The following LANCL3 variants were observed in gnomAD, a reference collection of about 807,000 sequenced individuals.
The protein encoded by LANCL3 is LanC like family member 3.
LANCL3 carries 19 observed loss-of-function variants against 26.5 expected under a neutral mutation model. The observed-to-expected ratio is 0.72, with a 90% CI of 0.50 to 1.05. The LOEUF is 1.05. Ranked by LOEUF, LANCL3 falls within the 50% of genes least tolerant of loss-of-function variation. The pLI is 0.00. For missense variants in LANCL3, 318 were observed against 362.7 expected, an observed-to-expected ratio of 0.88 and a Z score of 1.00; for synonymous variants, 160 against 166.6, an observed-to-expected ratio of 0.96 and a Z score of 0.30.
At chrX:37,579,912 G>A (rs1556416817) in intron 1 of LANCL3, among the ~76,000 whole-genome samples, 3 of 111,480 alleles carry the variant, frequency 2.7e-5, no homozygotes, top group East Asian at 2.8e-4. Context: ...GAGTGCCTGT[G>A]TTCTCACTGG....
intron 1 of LANCL3, among the ~76,000 whole-genome samples, chrX:37,655,040 A>G (rs1234026864): frequency 8.9e-6 from 1 of 112,881 alleles, no homozygotes; most frequent in Non-Finnish European, 1.9e-5. Flanking sequence ...CTATAGTCCT[A>G]AAACCGACTG....
chrX:37,642,517 T>C (rs1395882609), intron 1 of LANCL3, among the ~76,000 whole-genome samples: 2 of 111,723 alleles, frequency 1.8e-5, no homozygotes, highest in East Asian at 5.6e-4. Context: ...AGAATGCAAA[T>C]TGGCTGCTAC....
intron 1 of LANCL3, among the ~76,000 whole-genome samples, chrX:37,580,358 A>G (rs1923864012): frequency 8.9e-6 from 1 of 111,944 alleles, no homozygotes; most frequent in African/African-American, 3.2e-5. Context: ...AGTTTTTTTC[A>G]TGTATTATGT....
At chrX:37,630,958 G>A (rs1319693506) in intron 1 of LANCL3, among the ~76,000 whole-genome samples, 1 of 111,392 alleles carries the variant, frequency 9.0e-6, no homozygotes, top group Non-Finnish European at 1.9e-5. Flanking sequence ...GGATGATGCT[G>A]GCCTCATAAA....
chrX:37,571,843 C>T lies in LANCL3; in HGVS notation c.-28C>T. ...GGGCACGACTTCAAGCGGTCCTCAG[C>T]TCCGCACTAGGGGGCACGGGCAACA... On this transcript the variant is annotated 5_prime_UTR_variant, in exon 1 of 5. Transcript: ENST00000378619. 3.4e-6 allele frequency: 4 copies of T among 1,170,957 alleles called. No homozygotes were observed. Among genetic ancestry groups the T allele is most frequent in the Non-Finnish European group, 4.6e-6 (4 of 870,096 alleles).
chrX:37,610,219 G>A (rs2069603515), intron 1 of LANCL3, among the ~76,000 whole-genome samples: 1 of 111,939 alleles, frequency 8.9e-6, no homozygotes. Context: ...GTTCTTCCCT[G>A]TATTGGCCTT....
Position 37,664,006 on chromosome X carries a change from C to A in LANCL3, c.896-3276C>A, listed in dbSNP as rs1424539418. On this transcript the variant is annotated intron_variant, in intron 3 of 4. Transcript: ENST00000378619. ...GCAAGGAAGTCAATATTTTGTATCCCTGTGTCATCCCTGTGAGGGGTGGCT... is the reference window on the plus strand; with the variant it reads ...GCAAGGAAGTCAATATTTTGTATCCATGTGTCATCCCTGTGAGGGGTGGCT... Among the ~76,000 whole-genome samples the A allele has an allele frequency of 4.5e-5, 5 of 111,957 alleles. No individual in the cohort carries two copies. The East Asian group carries it at 1.4e-3, about 32-fold the overall frequency.
At chrX:37,636,283 A>G (rs1183964251) in intron 1 of LANCL3, among the ~76,000 whole-genome samples, 1 of 111,837 alleles carries the variant, frequency 8.9e-6, no homozygotes, top group Non-Finnish European at 1.9e-5. Flanking sequence ...ATACATGTGC[A>G]TGTGTCTTTA....
chrX:37,673,267 C>A (rs1926723978), intron 4 of LANCL3, among the ~76,000 whole-genome samples: 1 of 111,517 alleles, frequency 9.0e-6, no homozygotes, highest in Non-Finnish European at 1.9e-5. Context: ...TTTGAAGGAA[C>A]TGGCTCCTGG....
chrX:37,607,942 G>C lies in LANCL3; in HGVS notation c.573+35499G>C, dbSNP rs1468417363. 2.7e-5 allele frequency among the ~76,000 whole-genome samples: 3 copies of C among 112,131 alleles called. No homozygotes were observed. In the East Asian group the frequency reaches 8.4e-4, roughly 31 times the overall value. Reference sequence around the variant, plus strand: ...TCTTGACAGAAATGTTTTAAATACAGCTTCTAGCTGTTTAAGGTATTTAGT... The same window carrying C: ...TCTTGACAGAAATGTTTTAAATACACCTTCTAGCTGTTTAAGGTATTTAGT... On this transcript the variant is annotated intron_variant, in intron 1 of 4. Coordinates refer to ENST00000378619, the MANE Select transcript of LANCL3 (RefSeq NM_001170331.2).
At chrX:37,622,443 C>T (rs1925191636) in intron 1 of LANCL3, among the ~76,000 whole-genome samples, 1 of 109,226 alleles carries the variant, frequency 9.2e-6, no homozygotes, top group Admixed American at 9.8e-5. Flanking sequence ...TCATACTACA[C>T]TGAGAAATCC....
intron 1 of LANCL3, among the ~76,000 whole-genome samples, chrX:37,628,667 A>C (rs1227897151): frequency 2.2e-5 from 2 of 89,993 alleles, no homozygotes; most frequent in African/African-American, 8.7e-5. Context: ...CTCATTGTTC[A>C]ATTCCCACCT....
intron 4 of LANCL3, among the ~76,000 whole-genome samples, chrX:37,672,404 G>T (rs1224605330): frequency 8.9e-6 from 1 of 112,155 alleles, no homozygotes; most frequent in Non-Finnish European, 1.9e-5. Context: ...CTCTGAAACG[G>T]AATGTGTAGG....
chrX:37,621,523 TCTAA>T (rs1556422259), intron 1 of LANCL3, among the ~76,000 whole-genome samples: 1 of 112,678 alleles, frequency 8.9e-6, no homozygotes, highest in African/African-American at 3.2e-5. Context: ...AAAGTGGCAC[TCTAA>T]CTAAAGAGAA....
chrX:37,593,088 G>A (rs1405159397), intron 1 of LANCL3, among the ~76,000 whole-genome samples: 1 of 111,665 alleles, frequency 9.0e-6, no homozygotes, highest in African/African-American at 3.3e-5. Flanking sequence ...CATATCTTTA[G>A]CTATGCAAGG....
At chrX:37,623,365 A>G (rs1556422592) in intron 1 of LANCL3, among the ~76,000 whole-genome samples, 1 of 111,276 alleles carries the variant, frequency 9.0e-6, no homozygotes. Context: ...TGTAGACATT[A>G]TCTTTGCTGT....
At chrX:37,615,288 G>A (rs1924977544) in intron 1 of LANCL3, among the ~76,000 whole-genome samples, 2 of 111,988 alleles carry the variant, frequency 1.8e-5, no homozygotes, top group Admixed American at 1.9e-4. Context: ...GCTCCCAGGT[G>A]GTGTTGATGC....
At chrX:37,632,594 G>T (rs1925557835) in intron 1 of LANCL3, among the ~76,000 whole-genome samples, 1 of 112,023 alleles carries the variant, frequency 8.9e-6, no homozygotes, top group Non-Finnish European at 1.9e-5. Context: ...GCTGGTGCCA[G>T]TTGTTCCTTT....
intron 3 of LANCL3, among the ~76,000 whole-genome samples, chrX:37,666,153 G>A (rs1377407184): frequency 3.6e-5 from 4 of 111,906 alleles, no homozygotes; most frequent in Non-Finnish European, 7.5e-5. Flanking sequence ...AAAAGAATAT[G>A]TATGAACCAT....
Sources: gnomAD v4.1 joint callset for allele counts (sites outside exome capture counted in the v4.1 genomes callset) on GRCh38, gnomAD v4.1.1 for gene constraint, MANE v1.5 for transcripts, NCBI Gene and HGNC (gene_info 2026-07-23, HGNC 2026-07-21) for gene names.